AKT3: variants seen among roughly 807,000 people sequenced by gnomAD.
AKT3 encodes the protein AKT serine/threonine kinase 3, also known as RAC-gamma serine/threonine-protein kinase.
AKT3 carries 15 observed loss-of-function variants against 65.3 expected under a neutral mutation model. That is an observed-to-expected ratio of 0.23 (90% CI 0.15 to 0.35). The LOEUF (loss-of-function observed/expected upper bound fraction) is 0.35, where lower values mean the gene tolerates loss of function less well. Among genes scored for constraint, AKT3 ranks in the 10% least tolerant of loss-of-function variants. AKT3 has a pLI of 1.00. For missense variants in AKT3, 243 were observed against 576.5 expected (o/e 0.42, Z 5.92); for synonymous variants, 206 against 183.8 (o/e 1.12, Z -0.98).
At chr1:243,730,645 G>A (rs1687496550) in intron 2 of AKT3, among the ~76,000 whole-genome samples, 1 of 152,194 alleles carries the variant, frequency 6.6e-6, no homozygotes, top group East Asian at 1.9e-4. Context: ...CAGCCTGGGA[G>A]CCGCCGGCTG....
chr1:243,754,907 G>A (rs1265459646), intron 2 of AKT3, among the ~76,000 whole-genome samples: 1 of 152,112 alleles, frequency 6.6e-6, no homozygotes, highest in African/African-American at 2.4e-5. Context: ...GCTATGACGA[G>A]GAAGAATGAT....
chr1:243,604,970 C>T (rs1572015368), intron 8 of AKT3, among the ~76,000 whole-genome samples: 2 of 152,118 alleles, frequency 1.3e-5, no homozygotes, highest in Non-Finnish European at 1.5e-5. Flanking sequence ...TGTCATCTCT[C>T]GACATAGTTA....
At chr1:243,497,552 C>T (rs1347778515), downstream of AKT3, among the ~76,000 whole-genome samples, 3 of 152,070 alleles carry the variant, frequency 2.0e-5, no homozygotes, top group East Asian at 5.8e-4. Flanking sequence ...ATCAGGAGGT[C>T]ACCCGTTTCT....
chr1:243,526,264 G>GTATTC (rs1671071621), intron 12 of AKT3, among the ~76,000 whole-genome samples: 2 of 152,144 alleles, frequency 1.3e-5, no homozygotes, highest in African/African-American at 2.4e-5. Flanking sequence ...ACTGAAACCC[G>GTATTC]TGTTAATTCG....
At chr1:243,799,387 T>C (rs1331317412) in intron 2 of AKT3, among the ~76,000 whole-genome samples, 1 of 152,230 alleles carries the variant, frequency 6.6e-6, no homozygotes, top group African/African-American at 2.4e-5. Flanking sequence ...AACGTTTACA[T>C]TTAAATTCTG....
intron 3 of AKT3, among the ~76,000 whole-genome samples, chr1:243,694,412 T>C (rs1024181102): frequency 1.3e-5 from 2 of 152,120 alleles, no homozygotes; most frequent in Non-Finnish European, 2.9e-5. Flanking sequence ...ACCATTATTA[T>C]CTAATGAGCA....
intron 2 of AKT3, among the ~76,000 whole-genome samples, chr1:243,768,869 C>T (rs969399521): frequency 1.3e-5 from 2 of 151,584 alleles, no homozygotes; most frequent in Admixed American, 6.6e-5. Context: ...GTTCACATAC[C>T]ATAAAAATCG....
intron 12 of AKT3, among the ~76,000 whole-genome samples, chr1:243,524,463 T>C (rs1029269117): frequency 6.6e-6 from 1 of 152,208 alleles, no homozygotes; most frequent in Admixed American, 6.5e-5. Flanking sequence ...AAATTACACG[T>C]TCTCTAAAAA....
chr1:243,768,901 A>G (rs1366614885), intron 2 of AKT3, among the ~76,000 whole-genome samples: 1 of 151,930 alleles, frequency 6.6e-6, no homozygotes, highest in Non-Finnish European at 1.5e-5. Flanking sequence ...TATACAAGCC[A>G]TAGTTTTTAT....
intron 8 of AKT3, among the ~76,000 whole-genome samples, chr1:243,596,885 T>C (rs1676654327): frequency 6.6e-6 from 1 of 152,030 alleles, no homozygotes; most frequent in African/African-American, 2.4e-5. Context: ...GACTGAGAAA[T>C]GCAACAAAGT....
intron 6 of AKT3, among the ~76,000 whole-genome samples, chr1:243,627,047 C>T (rs1194608678): frequency 6.6e-6 from 1 of 152,194 alleles, no homozygotes; most frequent in Non-Finnish European, 1.5e-5. Flanking sequence ...CACTGGAGTG[C>T]TGTTACCAAC....
chr1:243,581,098 G>A (rs1422049439), intron 8 of AKT3, among the ~76,000 whole-genome samples: 4 of 152,190 alleles, frequency 2.6e-5, no homozygotes, highest in Non-Finnish European at 5.9e-5. Flanking sequence ...TGGGGCTGAG[G>A]AGGTTTCCCA....
At chr1:243,816,913 T>C (rs576867001) in intron 2 of AKT3, among the ~76,000 whole-genome samples, 3 of 152,210 alleles carry the variant, frequency 2.0e-5, no homozygotes, top group Non-Finnish European at 2.9e-5. Context: ...ATGGACTCCA[T>C]TTCCCCTCCT....
chr1:243,721,944 T>C (rs1004572908), intron 2 of AKT3, among the ~76,000 whole-genome samples: 7 of 152,252 alleles, frequency 4.6e-5, no homozygotes, highest in East Asian at 3.9e-4. Context: ...TTAAGTAACA[T>C]AGACGTTATA....
At chr1:243,808,787 C>T (rs551029140) in intron 2 of AKT3, among the ~76,000 whole-genome samples, 1 of 152,302 alleles carries the variant, frequency 6.6e-6, no homozygotes, top group Admixed American at 6.5e-5. Context: ...AGAGAAAGGT[C>T]GGGTTACCCA....
intron 3 of AKT3, among the ~76,000 whole-genome samples, chr1:243,673,376 C>G (rs948639249): frequency 6.6e-6 from 1 of 151,944 alleles, no homozygotes; most frequent in African/African-American, 2.4e-5. Flanking sequence ...TTTTTAGAAA[C>G]AAAAATGAGA....
downstream of AKT3, among the ~76,000 whole-genome samples, chr1:243,498,412 C>T (rs949511517): frequency 2.6e-5 from 4 of 152,224 alleles, no homozygotes; most frequent in East Asian, 1.9e-4. Flanking sequence ...CCTGGCTCCA[C>T]GGGCCTGGGA....
chr1:243,770,364 C>G (rs1690100625), intron 2 of AKT3, among the ~76,000 whole-genome samples: 1 of 152,146 alleles, frequency 6.6e-6, no homozygotes, highest in African/African-American at 2.4e-5. Flanking sequence ...GAGAGGTTAA[C>G]TGACTAACTC....
chr1:243,576,243 A>G (rs963163651), intron 8 of AKT3, among the ~76,000 whole-genome samples: 9 of 152,204 alleles, frequency 5.9e-5, no homozygotes, highest in Non-Finnish European at 1.3e-4. Context: ...CATCAAAATA[A>G]TAAGAGCTAT....
Sources: gnomAD v4.1 joint callset for allele counts (sites outside exome capture counted in the v4.1 genomes callset) on GRCh38, gnomAD v4.1.1 for gene constraint, MANE v1.5 for transcripts, NCBI Gene and HGNC (gene_info 2026-07-23, HGNC 2026-07-21) for gene names.